The following CEP112 variants were observed in gnomAD, a reference collection of about 807,000 sequenced individuals.
CEP112 encodes the protein centrosomal protein of 112 kDa.
In CEP112, 127 loss-of-function variants were observed where a neutral mutation model predicts 153.0. The observed-to-expected ratio is 0.83, with a 90% confidence interval of 0.72 to 0.96. CEP112 has a LOEUF of 0.96. Among genes scored for constraint, CEP112 ranks in the 40% least tolerant of loss-of-function variants. The pLI is 0.00. For synonymous variants in CEP112, 358 were observed against 374.4 expected (o/e 0.96, Z 0.51); for missense variants, 1,089 against 1,101.2 (o/e 0.99, Z 0.16).
intron 23 of CEP112, among the ~76,000 whole-genome samples, chr17:65,701,324 G>T (rs1726192302): frequency 6.6e-6 from 1 of 152,170 alleles, no homozygotes; most frequent in Non-Finnish European, 1.5e-5. Flanking sequence ...CATTAACTAA[G>T]ACAGAGAACA....
At chr17:65,745,934 C>T (rs191380107) in intron 22 of CEP112, among the ~76,000 whole-genome samples, 196 of 151,912 alleles carry the variant, frequency 1.3e-3, no homozygotes, top group African/African-American at 4.5e-3. Flanking sequence ...GGTTTTGAGG[C>T]GGCCGGATCA....
At chr17:66,058,943 T>C (rs957852100) in intron 11 of CEP112, among the ~76,000 whole-genome samples, 4 of 152,044 alleles carry the variant, frequency 2.6e-5, no homozygotes, top group African/African-American at 9.7e-5. Flanking sequence ...CAAAACCACA[T>C]GGTACTAGCA....
At chr17:66,145,460 G>A (rs747489635) in intron 4 of CEP112, among the ~76,000 whole-genome samples, 12 of 151,872 alleles carry the variant, frequency 7.9e-5, no homozygotes, top group East Asian at 1.9e-4. Flanking sequence ...CTGTTCCAAC[G>A]TCACAGAGAT....
rs2064778655 is a variant in CEP112, at chr17:66,016,459, A to C, written c.1657-10690T>G. ...GATACAGCTAAAACCAATTCCCAGG[A>C]GGGTTTGAACTAGGTTACACTGCTC... On this transcript the variant is annotated intron_variant, in intron 16 of 26. Coordinates refer to ENST00000535342, the MANE Select transcript of CEP112 (RefSeq NM_001199165.4). Among the ~76,000 whole-genome samples the C allele has an allele frequency of 2.6e-5, 4 of 152,094 alleles. No homozygotes were observed. In the South Asian group the frequency reaches 8.3e-4, roughly 31 times the overall value.
At chr17:66,190,347 A>T (rs1397066972) in intron 1 of CEP112, among the ~76,000 whole-genome samples, 5 of 152,198 alleles carry the variant, frequency 3.3e-5, no homozygotes, top group South Asian at 2.1e-4. Context: ...TAAATAATTT[A>T]AAAACAAATT....
intron 8 of CEP112, among the ~76,000 whole-genome samples, chr17:66,074,589 G>A (rs36075212): frequency 0.4 from 60,158 of 151,954 alleles, 13,490 homozygotes; most frequent in East Asian, 0.87. Flanking sequence ...TCTTGGCTGG[G>A]CATGGTGGCT....
At chr17:66,001,163 T>C (rs2064029891) in intron 17 of CEP112, among the ~76,000 whole-genome samples, 1 of 152,152 alleles carries the variant, frequency 6.6e-6, no homozygotes, top group Non-Finnish European at 1.5e-5. Context: ...CAGGGAGACC[T>C]GAGGGGCTGG....
intron 6 of CEP112, among the ~76,000 whole-genome samples, chr17:66,125,729 G>A (rs2146490999): frequency 6.8e-6 from 1 of 148,106 alleles, no homozygotes; most frequent in Admixed American, 6.7e-5. Context: ...GACCCATGAA[G>A]AAGAGGAAAA....
intron 17 of CEP112, among the ~76,000 whole-genome samples, chr17:65,974,289 C>A (rs192410521): frequency 9.9e-5 from 15 of 152,164 alleles, no homozygotes; most frequent in African/African-American, 3.6e-4. Context: ...TTTGTCCAAG[C>A]TGGTCTCAAA....
intron 20 of CEP112, among the ~76,000 whole-genome samples, chr17:65,888,434 G>A (rs1002440981): frequency 6.6e-5 from 10 of 151,946 alleles, no homozygotes; most frequent in African/African-American, 2.4e-4. Context: ...CTACACAAAG[G>A]TGTTCAACAA....
Position 65,825,931 on chromosome 17 carries a change from CT to C in CEP112, c.2394+25872del, listed in dbSNP as rs142995756. 4.3e-3 allele frequency among the ~76,000 whole-genome samples: 662 copies of C among 152,304 alleles called. 1 individual carries two copies. The highest frequency in any genetic ancestry group is 7.9e-3 in the Non-Finnish European group (539 of 68,016). ...TTGCCCCCAGATGTCAGACACCTCC[CT>C]GCATTTCCCAGGGCATGCAGTCCAG... On this transcript the variant is annotated intron_variant, in intron 21 of 26. Coordinates refer to ENST00000535342, the MANE Select transcript of CEP112 (RefSeq NM_001199165.4).
intron 21 of CEP112, among the ~76,000 whole-genome samples, chr17:65,784,609 T>C (rs1435005278): frequency 6.6e-6 from 1 of 152,128 alleles, no homozygotes; most frequent in Non-Finnish European, 1.5e-5. Context: ...GCCTCCTGAG[T>C]AGCTGGGACT....
At chr17:66,122,905 C>A (rs2069667143) in intron 6 of CEP112, among the ~76,000 whole-genome samples, 1 of 152,142 alleles carries the variant, frequency 6.6e-6, no homozygotes, top group African/African-American at 2.4e-5. Context: ...AACTACCAGT[C>A]TCCTCTTTAA....
At chr17:65,706,081 A>G (rs535150309) in intron 23 of CEP112, among the ~76,000 whole-genome samples, 27 of 152,384 alleles carry the variant, frequency 1.8e-4, no homozygotes, top group African/African-American at 6.5e-4. Flanking sequence ...ACAGGAGTTC[A>G]TAGTACTATT....
At position 65,851,954 on chromosome 17, in the gene CEP112, C is replaced by A; in HGVS notation, c.2244G>T (p.Leu748=). The A allele has an allele frequency of 6.2e-7, 1 of 1,614,156 alleles. No individual in the cohort carries two copies. The highest frequency in any genetic ancestry group is 8.5e-7 in the Non-Finnish European group (1 of 1,180,030). Residue 748 remains leucine (L), a synonymous_variant, in exon 21 of 27, where the codon CTG becomes CTT. Transcript: ENST00000535342. ...INVNSQRKQQ[L]VELGLLREEE... Reference sequence around the variant, plus strand: ...CTTCACGAAGAAGACCAAGCTCTACCAGCTGCTGTTTCCGCTGTGAGTTCA... The same window carrying A: ...CTTCACGAAGAAGACCAAGCTCTACAAGCTGCTGTTTCCGCTGTGAGTTCA...
chr17:66,180,805 C>G (rs1039317196), intron 2 of CEP112, among the ~76,000 whole-genome samples: 2 of 152,048 alleles, frequency 1.3e-5, no homozygotes, highest in African/African-American at 4.8e-5. Context: ...TAAATCTGCT[C>G]TAATCTTTTA....
At chr17:65,657,774 TACTC>T (rs2046134114) in intron 24 of CEP112, among the ~76,000 whole-genome samples, 2 of 152,248 alleles carry the variant, frequency 1.3e-5, no homozygotes, top group Non-Finnish European at 2.9e-5. Context: ...ATAAGGCTGA[TACTC>T]AGTGAGGCTG....
At chr17:66,129,720 T>C (rs1203871099) in intron 6 of CEP112, 26 bp downstream of exon 6, 2 of 1,488,970 alleles carry the variant, frequency 1.3e-6, no homozygotes, top group Non-Finnish European at 1.9e-6. Flanking sequence ...CATCTATATA[T>C]ACATAAAGCA....
At chr17:65,795,697 A>T (rs924428013) in intron 21 of CEP112, among the ~76,000 whole-genome samples, 5 of 152,156 alleles carry the variant, frequency 3.3e-5, no homozygotes, top group African/African-American at 1.2e-4. Flanking sequence ...CTGTAATCCC[A>T]GCTACTCAGG....
Sources: allele counts gnomAD v4.1 joint callset (sites outside exome capture counted in the v4.1 genomes callset), GRCh38; gene constraint gnomAD v4.1.1; transcripts MANE v1.5; gene names NCBI Gene and HGNC (gene_info 2026-07-23, HGNC 2026-07-21).